The following ZZEF1 variants were observed in gnomAD, a reference collection of about 807,000 sequenced individuals.
The protein encoded by ZZEF1 is zinc finger ZZ-type and EF-hand domain-containing protein 1.
ZZEF1 carries 157 observed loss-of-function variants against 342.8 expected under a neutral mutation model. That is an observed-to-expected ratio of 0.46 (90% CI 0.40 to 0.52). ZZEF1 has a LOEUF of 0.52. Among genes scored for constraint, ZZEF1 ranks in the 20% least tolerant of loss-of-function variants. The pLI is 0.00. For missense variants in ZZEF1, 3,480 were observed against 3,725.6 expected (o/e 0.93, Z 1.72); for synonymous variants, 1,505 against 1,429.1 (o/e 1.05, Z -1.20).
chr17:4,056,072 C>T (rs2057152266), intron 33 of ZZEF1, 144 bp downstream of exon 33: 3 of 781,132 alleles, frequency 3.8e-6, no homozygotes, highest in Non-Finnish European at 5.5e-6. Context: ...CGGTCGCATT[C>T]AGCGGTTGGG....
chr17:4,032,669 C>G (rs1477901998), intron 41 of ZZEF1, among the ~76,000 whole-genome samples, 159 bp downstream of exon 41: 1 of 152,190 alleles, frequency 6.6e-6, no homozygotes, highest in Non-Finnish European at 1.5e-5. Context: ...ATCCCATAAT[C>G]TTGACAATAC....
intron 36 of ZZEF1, among the ~76,000 whole-genome samples, chr17:4,050,498 T>C (rs1344338374): frequency 6.6e-6 from 1 of 152,234 alleles, no homozygotes. Context: ...TAGATTCAAA[T>C]ACTAGACTGC....
chr17:4,027,284 C>T lies in ZZEF1; in HGVS notation c.6893-2166G>A, dbSNP rs1451444911. The stretch of plus-strand genomic sequence containing the variant: ...AAGACCTACGCACCCAGCAATATCT[C>T]ACTTTTTTTTTTTTTTTTTTTTTTT... On this transcript the variant is annotated intron_variant, in intron 42 of 54. Transcript: ENST00000381638. 3.3e-4 allele frequency among the ~76,000 whole-genome samples: 28 copies of T among 84,088 alleles called. 1 individual carries two copies. The highest frequency in any genetic ancestry group is 2.3e-3 in the African/African-American group (28 of 12,000). The allele number at this position is 84,088 out of a possible 152,430, so 55.2% of individuals were successfully genotyped here. A position where few individuals can be genotyped will look rare whatever the true frequency, so the allele number is the denominator to read the frequency against.
chr17:4,050,083 CTTTA>C (rs2057013331), intron 36 of ZZEF1, among the ~76,000 whole-genome samples: 2 of 152,192 alleles, frequency 1.3e-5, no homozygotes, highest in African/African-American at 4.8e-5. Flanking sequence ...GCACTTTATA[CTTTA>C]TTAACAACAG....
chr17:4,125,813 C>A (rs1373233497), intron 1 of ZZEF1, among the ~76,000 whole-genome samples: 1 of 152,114 alleles, frequency 6.6e-6, no homozygotes, highest in South Asian at 2.1e-4. Context: ...GGGAGTCACA[C>A]AGTCCTGATG....
chr17:4,048,251 C>G (rs968908313), intron 37 of ZZEF1, among the ~76,000 whole-genome samples: 8 of 152,198 alleles, frequency 5.3e-5, no homozygotes, highest in African/African-American at 1.7e-4. Context: ...GGTTGAGAGA[C>G]AGGCTTGATG....
intron 2 of ZZEF1, among the ~76,000 whole-genome samples, chr17:4,122,348 C>A (rs562902890): frequency 2.2e-4 from 33 of 149,792 alleles, no homozygotes; most frequent in Non-Finnish European, 4.1e-4. Flanking sequence ...AGCTCCCCCC[C>A]AAAAAAATAC....
intron 44 of ZZEF1, among the ~76,000 whole-genome samples, chr17:4,022,265 G>T (rs139772150): frequency 1.1e-4 from 17 of 152,310 alleles, no homozygotes; most frequent in African/African-American, 4.1e-4. Context: ...AGTCCACAGG[G>T]AACCACAGTA....
rs777770852 is a variant in ZZEF1, at chr17:4,070,907, G to A, written c.3852C>T (p.Asp1284=). Residue 1284 remains aspartate, a synonymous_variant, in exon 26 of 55, where the codon GAC becomes GAT. Coordinates refer to ENST00000381638, the MANE Select transcript of ZZEF1 (RefSeq NM_015113.4). ...RNSKEVKNIP[D]DPCRHFLLDF... ...CAAGAAGAAAATGGCGGCAGGGGTC[G>A]TCAGGAATGTTCTTAACCTGGAAAC... 2.3e-5 allele frequency: 37 copies of A among 1,613,642 alleles called. No homozygotes were observed. Among genetic ancestry groups the A allele is most frequent in the South Asian group, 4.4e-5 (4 of 91,004 alleles).
chr17:4,042,394 C>T (rs759866653), intron 39 of ZZEF1, 35 bp downstream of exon 39: 3 of 1,593,804 alleles, frequency 1.9e-6, no homozygotes, highest in Non-Finnish European at 2.6e-6. Flanking sequence ...CTATGCATAC[C>T]ACCACCCCCA....
chr17:4,108,953 A>T (rs576854392), intron 6 of ZZEF1, among the ~76,000 whole-genome samples: 1 of 152,348 alleles, frequency 6.6e-6, no homozygotes, highest in Non-Finnish European at 1.5e-5. Context: ...CACCGCCTAC[A>T]CTATAGGTAC....
intron 6 of ZZEF1, among the ~76,000 whole-genome samples, chr17:4,107,152 T>A (rs532826867): frequency 1.0e-3 from 159 of 152,358 alleles, no homozygotes; most frequent in African/African-American, 3.6e-3. Flanking sequence ...TCCTCATTGA[T>A]ATTTTTTCAA....
At chr17:4,085,958 T>TA (rs1268316492) in intron 15 of ZZEF1, among the ~76,000 whole-genome samples, 155 bp from the exon 16 acceptor site, 12 of 151,698 alleles carry the variant, frequency 7.9e-5, no homozygotes, top group African/African-American at 2.7e-4. Context: ...TAAAAAAATA[T>TA]TTTTTATTTG....
chr17:4,068,666 G>A (rs988888838), intron 26 of ZZEF1, among the ~76,000 whole-genome samples: 2 of 152,162 alleles, frequency 1.3e-5, no homozygotes, highest in African/African-American at 4.8e-5. Context: ...TAATATACTA[G>A]AACAGCATGA....
intron 28 of ZZEF1, among the ~76,000 whole-genome samples, chr17:4,065,129 T>A (rs1266569716): frequency 1.3e-5 from 2 of 152,040 alleles, no homozygotes; most frequent in Non-Finnish European, 2.9e-5. Context: ...ATAGGCCTAG[T>A]GTGGTGGCTC....
intron 26 of ZZEF1, among the ~76,000 whole-genome samples, chr17:4,069,326 G>A (rs951369729): frequency 6.6e-6 from 1 of 151,768 alleles, no homozygotes; most frequent in Non-Finnish European, 1.5e-5. Flanking sequence ...TCACCCCCTC[G>A]ATTCCTCAGC....
At position 4,105,727 on chromosome 17, in the gene ZZEF1, C is replaced by T. The variant is rs199705590; in HGVS notation, c.1360G>A (p.Glu454Lys). 254 of 1,613,358 alleles carry T rather than the reference C, an allele frequency of 1.6e-4. 1 individual carries two copies. The highest frequency in any genetic ancestry group is 8.2e-4 in the Middle Eastern group (5 of 6,076). ...FSTFLSPNVLEEVDSFLIRIT... is the reference protein window; with the variant it reads ...FSTFLSPNVLKEVDSFLIRIT... ...CTTATGAGGAAACTGTCCACTTCTTCCAGCACATTAGGGGAGAGGAAAGTT... is the reference window on the plus strand; with the variant it reads ...CTTATGAGGAAACTGTCCACTTCTTTCAGCACATTAGGGGAGAGGAAAGTT... The change falls in exon 7 of 55, where the codon GAA (glutamate) becomes AAA (lysine). Residue 454 changes from glutamate to lysine, a missense_variant. Transcript: ENST00000381638.
At chr17:4,096,469 T>A in intron 10 of ZZEF1, 140 bp downstream of exon 10, 1 of 705,770 alleles carries the variant, frequency 1.4e-6, no homozygotes, top group East Asian at 2.5e-5. Context: ...CTCATCCTCA[T>A]CCTCTGTATG....
chr17:4,050,419 G>A (rs2145159603), intron 36 of ZZEF1, among the ~76,000 whole-genome samples: 1 of 152,300 alleles, frequency 6.6e-6, no homozygotes, highest in South Asian at 2.1e-4. Flanking sequence ...CTCTCATCTA[G>A]AATACACTTG....
Sources: allele counts gnomAD v4.1 joint callset (sites outside exome capture counted in the v4.1 genomes callset), GRCh38; gene constraint gnomAD v4.1.1; transcripts MANE v1.5; gene names NCBI Gene and HGNC (gene_info 2026-07-23, HGNC 2026-07-21).